The following PARD3B variants were observed in gnomAD, a reference collection of about 807,000 sequenced individuals.
The protein encoded by PARD3B is par-3 family cell polarity regulator beta, also known as partitioning defective 3 homolog B.
Under a neutral mutation model 130.2 loss-of-function variants are expected in PARD3B, and 103 were observed. That is an observed-to-expected ratio of 0.79 (90% CI 0.67 to 0.93). The LOEUF is 0.93. Among genes scored for constraint, PARD3B ranks in the 40% least tolerant of loss-of-function variants. The probability of loss-of-function intolerance (pLI) is 0.00; values close to 1 mark genes in which losing one functional copy is unlikely to be tolerated. For missense variants in PARD3B, 1,609 were observed against 1,499.2 expected, an observed-to-expected ratio of 1.07 and a Z score of -1.21; for synonymous variants, 583 against 553.2, an observed-to-expected ratio of 1.05 and a Z score of -0.76.
chr2:204,605,042 G>A (rs1293992799), intron 1 of PARD3B, among the ~76,000 whole-genome samples: 1 of 152,102 alleles, frequency 6.6e-6, no homozygotes, highest in Non-Finnish European at 1.5e-5. Flanking sequence ...CTCTTAGCAA[G>A]GTATTTGTAC....
intron 3 of PARD3B, among the ~76,000 whole-genome samples, chr2:204,969,233 G>T (rs980176364): frequency 7.9e-5 from 12 of 152,156 alleles, no homozygotes; most frequent in African/African-American, 2.9e-4. Flanking sequence ...AAACCCCATG[G>T]TTCTTCTGAG....
chr2:204,741,077 A>G (rs2039988345), intron 2 of PARD3B, among the ~76,000 whole-genome samples: 1 of 152,166 alleles, frequency 6.6e-6, no homozygotes, highest in African/African-American at 2.4e-5. Flanking sequence ...AATTTGAATA[A>G]CGCATAGTTT....
intron 1 of PARD3B, among the ~76,000 whole-genome samples, chr2:204,590,915 G>A (rs75158148): frequency 0.027 from 4,076 of 152,210 alleles, 89 homozygotes; most frequent in Non-Finnish European, 0.041. Context: ...CATAGATAGG[G>A]TTTTGTTTTA....
At chr2:205,151,593 TTTTG>T (rs543477247) in intron 10 of PARD3B, among the ~76,000 whole-genome samples, 12 of 152,276 alleles carry the variant, frequency 7.9e-5, no homozygotes, top group African/African-American at 1.9e-4. Flanking sequence ...ACCCCTGCTT[TTTTG>T]TTTGTTTGTT....
chr2:205,617,246 C>T lies in PARD3B; in HGVS notation c.*1433C>T, dbSNP rs911079498. 3.3e-5 allele frequency: 5 copies of T among 152,498 alleles called. No homozygotes were observed. The highest frequency in any genetic ancestry group is 5.9e-5 in the Non-Finnish European group (4 of 68,184). The allele number at this position is 152,498 out of a possible 1,614,324, so 9.4% of individuals were successfully genotyped here. ...AAGCTGGCCCAAATGAGAACACAAG[C>T]AAAAGATGTGGAAGACAGCAAAACC... is the stretch of plus-strand genomic sequence containing the variant. On this transcript the variant is annotated 3_prime_UTR_variant, in exon 23 of 23. Transcript: ENST00000406610.
chr2:205,274,709 A>G lies in PARD3B; in HGVS notation c.2186-25821A>G, dbSNP rs1422543427. Among the ~76,000 whole-genome samples, 1 of 152,122 alleles carries G rather than the reference A, an allele frequency of 6.6e-6. No individual in the cohort carries two copies. Among genetic ancestry groups the G allele is most frequent in the African/African-American group, 2.4e-5 (1 of 41,430 alleles). ...TCTGAATATTAATTCTTCAGTTAGC[A>G]CCAAATGCAGAATTTATTATGCAAC... On this transcript the variant is annotated intron_variant, in intron 16 of 22. Transcript: ENST00000406610. This position sits in a 1 kb window ranked among gnomAD's most constrained non-coding sequence, Gnocchi z 4.2.
intron 15 of PARD3B, among the ~76,000 whole-genome samples, chr2:205,218,993 T>C (rs1400365280): frequency 6.6e-6 from 1 of 151,834 alleles, no homozygotes; most frequent in Admixed American, 6.6e-5. Flanking sequence ...AGCAGGAGAA[T>C]TGCTTGAATC....
At chr2:204,999,797 A>G (rs1559343658) in intron 3 of PARD3B, among the ~76,000 whole-genome samples, 1 of 152,226 alleles carries the variant, frequency 6.6e-6, no homozygotes, top group Admixed American at 6.5e-5. Flanking sequence ...TTTCTTAGGA[A>G]GCAAGTGGTA....
chr2:204,823,991 T>C (rs2043470728), intron 2 of PARD3B, among the ~76,000 whole-genome samples: 1 of 149,496 alleles, frequency 6.7e-6, no homozygotes, highest in African/African-American at 2.5e-5. Context: ...GGAGAAATAA[T>C]AAAAATGAAA....
chr2:204,690,994 T>G (rs1407695193), intron 2 of PARD3B, among the ~76,000 whole-genome samples: 1 of 152,138 alleles, frequency 6.6e-6, no homozygotes. Context: ...TATGCTGTTA[T>G]CGTCTATAGT....
At chr2:204,593,274 G>A (rs191871896) in intron 1 of PARD3B, among the ~76,000 whole-genome samples, 25 of 152,266 alleles carry the variant, frequency 1.6e-4, no homozygotes, top group African/African-American at 5.1e-4. Flanking sequence ...CATCCTCAAC[G>A]TAGATTGAGG....
chr2:205,510,012 ATG>A (rs1489463795), intron 21 of PARD3B, among the ~76,000 whole-genome samples: 1 of 152,216 alleles, frequency 6.6e-6, no homozygotes, highest in Admixed American at 6.5e-5. Context: ...AAACACACAG[ATG>A]TCCAGAGTTT....
At position 205,321,419 on chromosome 2, in the gene PARD3B, T is replaced by C. The variant is rs945113414; in HGVS notation, c.2630+19718T>C. Among the ~76,000 whole-genome samples the C allele has an allele frequency of 1.3e-5, 2 of 152,120 alleles. No homozygotes were observed. Among genetic ancestry groups the C allele is most frequent in the Admixed American group, 6.6e-5 (1 of 15,264 alleles). On this transcript the variant is annotated intron_variant, in intron 18 of 22. Transcript: ENST00000406610. This position sits in a 1 kb window ranked among gnomAD's most constrained non-coding sequence, Gnocchi z 4.2. Reference sequence around the variant, plus strand: ...CGCCCAGATTCCTCAGATAGTAACATTTTTTCTGAATTAGCTGTAGCATTC... The same window carrying C: ...CGCCCAGATTCCTCAGATAGTAACACTTTTTCTGAATTAGCTGTAGCATTC...
chr2:205,453,712 A>G (rs2048180350), intron 20 of PARD3B, among the ~76,000 whole-genome samples: 1 of 152,190 alleles, frequency 6.6e-6, no homozygotes, highest in Non-Finnish European at 1.5e-5. Context: ...CTTAAAATCA[A>G]TGTAGTGTGA....
intron 10 of PARD3B, among the ~76,000 whole-genome samples, chr2:205,140,456 GAAAA>G (rs5837955): frequency 2.3e-5 from 2 of 88,784 alleles, no homozygotes; most frequent in East Asian, 3.6e-4. Flanking sequence ...TCCAGAGAGT[GAAAA>G]AAAAAAAAAA....
intron 1 of PARD3B, among the ~76,000 whole-genome samples, chr2:204,565,289 C>T (rs955889483): frequency 6.6e-6 from 1 of 152,150 alleles, no homozygotes; most frequent in African/African-American, 2.4e-5. Context: ...TTATATAATA[C>T]AACATAATCA....
At chr2:205,482,841 A>G (rs955544057) in intron 20 of PARD3B, 2 of 152,088 alleles carry the variant, frequency 1.3e-5, no homozygotes, top group African/African-American at 4.8e-5. Flanking sequence ...TTTTAGAGAA[A>G]CAATCTATTT....
intron 4 of PARD3B, among the ~76,000 whole-genome samples, chr2:205,061,419 T>C (rs1207705765): frequency 6.6e-6 from 1 of 152,142 alleles, no homozygotes; most frequent in Non-Finnish European, 1.5e-5. Context: ...GTTTTCCTTC[T>C]TTTGGTCTCA....
At chr2:204,772,317 C>T (rs2041420172) in intron 2 of PARD3B, among the ~76,000 whole-genome samples, 1 of 151,990 alleles carries the variant, frequency 6.6e-6, no homozygotes, top group Non-Finnish European at 1.5e-5. Context: ...GGAGATCAAG[C>T]ATTGTAACCA....
Sources: allele counts gnomAD v4.1 joint callset (sites outside exome capture counted in the v4.1 genomes callset), GRCh38; gene constraint gnomAD v4.1.1; non-coding constraint Gnocchi (gnomAD v3.1); transcripts MANE v1.5; gene names NCBI Gene and HGNC (gene_info 2026-07-23, HGNC 2026-07-21).